The following PRKCE variants were observed in gnomAD, a reference collection of about 807,000 sequenced individuals.
PRKCE encodes the protein protein kinase C epsilon, also known as protein kinase C epsilon type.
PRKCE carries 16 observed loss-of-function variants against 85.4 expected under a neutral mutation model. The observed-to-expected ratio is 0.19, with a 90% CI of 0.13 to 0.28. The LOEUF (loss-of-function observed/expected upper bound fraction) is 0.28, where lower values mean the gene tolerates loss of function less well. Ranked by LOEUF, PRKCE falls within the 10% of genes least tolerant of loss-of-function variation. PRKCE has a pLI of 1.00. For missense variants in PRKCE, 573 were observed against 975.2 expected (o/e 0.59, Z 5.49); for synonymous variants, 388 against 371.5 (o/e 1.04, Z -0.51).
At chr2:45,725,691 C>G (rs1334472736) in intron 1 of PRKCE, among the ~76,000 whole-genome samples, 1 of 152,018 alleles carries the variant, frequency 6.6e-6, no homozygotes, top group African/African-American at 2.4e-5. Context: ...ATTAGCTGGG[C>G]GTGGTGGCAC....
At chr2:46,178,173 T>C (rs956609267) in intron 14 of PRKCE, among the ~76,000 whole-genome samples, 2 of 152,170 alleles carry the variant, frequency 1.3e-5, no homozygotes, top group Non-Finnish European at 2.9e-5. Context: ...GGCAGAAGAA[T>C]TGCTTGAACC....
intron 1 of PRKCE, among the ~76,000 whole-genome samples, chr2:45,735,073 A>AGTC (rs1206262432): frequency 2.6e-5 from 4 of 152,190 alleles, no homozygotes; most frequent in Non-Finnish European, 5.9e-5. Flanking sequence ...TCCCTCTCAG[A>AGTC]GTCACTGGGC....
intron 1 of PRKCE, among the ~76,000 whole-genome samples, chr2:45,737,380 C>T (rs1237611319): frequency 6.6e-6 from 1 of 152,186 alleles, no homozygotes; most frequent in East Asian, 1.9e-4. Context: ...TCAGGCCTGC[C>T]AGTCCTGGAA....
At chr2:45,884,988 T>G (rs1229039735) in intron 2 of PRKCE, among the ~76,000 whole-genome samples, 2 of 68,580 alleles carry the variant, frequency 2.9e-5, no homozygotes, top group Non-Finnish European at 6.1e-5. Flanking sequence ...TATATATATA[T>G]ATATATATAT....
intron 1 of PRKCE, chr2:45,677,825 G>T: frequency 1.0e-6 from 1 of 985,306 alleles, no homozygotes; most frequent in Non-Finnish European, 1.2e-6. Context: ...GGAAAATTCT[G>T]TTTCAGAGAC....
chr2:46,055,287 G>A (rs375019895), intron 10 of PRKCE, among the ~76,000 whole-genome samples: 5 of 152,182 alleles, frequency 3.3e-5, no homozygotes, highest in African/African-American at 9.7e-5. Context: ...AAAAGTGCTC[G>A]CCCTGGCTCC....
chr2:46,051,314 A>T (rs535623116), intron 10 of PRKCE, among the ~76,000 whole-genome samples: 1 of 152,180 alleles, frequency 6.6e-6, no homozygotes, highest in Non-Finnish European at 1.5e-5. Flanking sequence ...AGCTGTCCAC[A>T]TGCCTCAGTG....
intron 14 of PRKCE, among the ~76,000 whole-genome samples, chr2:46,173,409 C>A (rs1015009787): frequency 6.6e-6 from 1 of 152,200 alleles, no homozygotes; most frequent in Non-Finnish European, 1.5e-5. Flanking sequence ...GGGGTGGGAA[C>A]CCCATTTAAG....
chr2:45,848,110 G>A (rs79046765), intron 2 of PRKCE, among the ~76,000 whole-genome samples: 1 of 152,160 alleles, frequency 6.6e-6, no homozygotes, highest in African/African-American at 2.4e-5. Flanking sequence ...AGTGAAAGGG[G>A]TTTTTCTCTT....
At chr2:45,778,796 C>T (rs768187996) in intron 1 of PRKCE, among the ~76,000 whole-genome samples, 2 of 152,216 alleles carry the variant, frequency 1.3e-5, no homozygotes, top group Non-Finnish European at 2.9e-5. Context: ...CTAGTGGGAG[C>T]TCAAGGTGTG....
chr2:46,179,649 A>T (rs1287118567), intron 14 of PRKCE, among the ~76,000 whole-genome samples: 1 of 152,166 alleles, frequency 6.6e-6, no homozygotes, highest in Non-Finnish European at 1.5e-5. Flanking sequence ...TCTTGATGGA[A>T]TTTTCCCAAA....
intron 10 of PRKCE, among the ~76,000 whole-genome samples, chr2:46,070,795 C>A (rs1213327715): frequency 1.3e-5 from 2 of 152,162 alleles, no homozygotes; most frequent in African/African-American, 4.8e-5. Context: ...AGTTCCATGG[C>A]CTTGGGCAAG....
At chr2:45,995,979 T>G (rs1291088568) in intron 6 of PRKCE, among the ~76,000 whole-genome samples, 1 of 152,212 alleles carries the variant, frequency 6.6e-6, no homozygotes, top group Non-Finnish European at 1.5e-5. Context: ...AAATACTGAG[T>G]CTTTCTATCC....
At chr2:45,848,218 T>C (rs2105528477) in intron 2 of PRKCE, among the ~76,000 whole-genome samples, 1 of 152,360 alleles carries the variant, frequency 6.6e-6, no homozygotes, top group Non-Finnish European at 1.5e-5. Flanking sequence ...TTACCTCTTT[T>C]CTTCTAAATT....
At chr2:46,051,007 C>A (rs1459584209) in intron 10 of PRKCE, among the ~76,000 whole-genome samples, 1 of 152,162 alleles carries the variant, frequency 6.6e-6, no homozygotes, top group African/African-American at 2.4e-5. Context: ...CACTCCCTCA[C>A]CCCCAAATGA....
Position 46,010,493 on chromosome 2 carries a change from A to C in PRKCE, c.1413A>C (p.Gln471His). 1.3e-6 allele frequency: 2 copies of C among 1,599,400 alleles called. No individual in the cohort carries two copies. The highest frequency in any genetic ancestry group is 1.1e-5 in the South Asian group (1 of 91,068). ...ALARKHPYLT[Q>H]LYCCFQTKDR... Reference sequence around the variant, plus strand: ...CACGGAAACACCCGTACCTTACCCAACTCTACTGCTGCTTCCAGACCAAGG... The same window carrying C: ...CACGGAAACACCCGTACCTTACCCACCTCTACTGCTGCTTCCAGACCAAGG... The change falls in exon 10 of 15, where the codon CAA (glutamine) becomes CAC (histidine). Residue 471 changes from glutamine (Q) to histidine (H), a missense_variant. This residue lies in a region of PRKCE where 89 missense variants were observed against 154.1 expected (regional missense o/e 0.58). Coordinates refer to ENST00000306156, the MANE Select transcript of PRKCE (RefSeq NM_005400.3).
At chr2:45,696,348 G>T (rs1678149157) in intron 1 of PRKCE, among the ~76,000 whole-genome samples, 1 of 151,996 alleles carries the variant, frequency 6.6e-6, no homozygotes, top group Non-Finnish European at 1.5e-5. Context: ...CAGGAATAAA[G>T]CCTTTTTTTA....
At chr2:45,913,163 T>C (rs928827756) in intron 2 of PRKCE, among the ~76,000 whole-genome samples, 11 of 152,228 alleles carry the variant, frequency 7.2e-5, no homozygotes, top group Non-Finnish European at 1.2e-4. Flanking sequence ...CTCTTTTCTT[T>C]TGAGACAGGG....
rs1675162876 is a variant in PRKCE, at chr2:45,652,374, G to A, written c.274G>A (p.Asp92Asn). The A allele has an allele frequency of 6.2e-7, 1 of 1,613,208 alleles. No individual in the cohort carries two copies. Among genetic ancestry groups the A allele is most frequent in the Non-Finnish European group, 8.5e-7 (1 of 1,180,024 alleles). ...AVFHDAPIGY[D>N]DFVANCTIQF... ...CTTTCACGATGCCCCCATAGGCTAC[G>A]ACGACTTCGTGGCCAACTGCACCAT... Residue 92 changes from aspartate (D) to asparagine (N), a missense_variant, in exon 1 of 15, where the codon GAC becomes AAC. Around this residue, in one of 11 missense-constraint regions of PRKCE, gnomAD observed 100 missense variants for 177.1 expected, o/e 0.56. Coordinates refer to ENST00000306156, the MANE Select transcript of PRKCE (RefSeq NM_005400.3). The surrounding 1 kb of genome is among the most constrained non-coding windows in gnomAD (Gnocchi z 7.7).
Sources: gnomAD v4.1 joint callset for allele counts (sites outside exome capture counted in the v4.1 genomes callset) on GRCh38, gnomAD v4.1.1 for gene constraint, gnomAD v4.1.1 regional missense constraint, Gnocchi (gnomAD v3.1) non-coding constraint, MANE v1.5 for transcripts, NCBI Gene and HGNC (gene_info 2026-07-23, HGNC 2026-07-21) for gene names.